The following MIER1 variants were observed in gnomAD, a reference collection of about 807,000 sequenced individuals.
The protein encoded by MIER1 is mesoderm induction early response protein 1.
A neutral mutation model predicts 75.7 loss-of-function variants in MIER1; 40 were observed. The ratio of observed to expected loss-of-function variants is 0.53; its 90% CI spans 0.41 to 0.69. The LOEUF is 0.69. Ranked by LOEUF, MIER1 falls within the 30% of genes least tolerant of loss-of-function variation. The pLI is 0.00. For synonymous variants in MIER1, 213 were observed against 223.4 expected (o/e 0.95, Z 0.42); for missense variants, 574 against 680.2 (o/e 0.84, Z 1.74).
At chr1:66,931,704 T>C (rs1412321796) in intron 2 of MIER1, among the ~76,000 whole-genome samples, 1 of 152,210 alleles carries the variant, frequency 6.6e-6, no homozygotes, top group East Asian at 1.9e-4. Flanking sequence ...CGTAGTACTT[T>C]CTGTTTCCCC....
chr1:66,957,103 A>C (rs1349298982), intron 4 of MIER1, among the ~76,000 whole-genome samples: 1 of 152,076 alleles, frequency 6.6e-6, no homozygotes, highest in East Asian at 1.9e-4. Context: ...GGTGTGCATG[A>C]GTGTATAATA....
At chr1:66,964,061 C>A (rs1033077904) in intron 8 of MIER1, among the ~76,000 whole-genome samples, 1 of 150,820 alleles carries the variant, frequency 6.6e-6, no homozygotes, top group African/African-American at 2.4e-5. Flanking sequence ...CAATAACATA[C>A]AATACTTGAA....
At chr1:66,926,762 G>A (rs546737104) in intron 2 of MIER1, among the ~76,000 whole-genome samples, 1 of 152,192 alleles carries the variant, frequency 6.6e-6, no homozygotes, top group South Asian at 2.1e-4. Flanking sequence ...ACTCATGGAC[G>A]CTGAAAATTG....
chr1:66,947,057 A>G, intron 4 of MIER1: 1 of 949,846 alleles, frequency 1.1e-6, no homozygotes, highest in Non-Finnish European at 1.3e-6. Context: ...CAGTTGCATC[A>G]GAATCAACCC....
Position 66,986,235 on chromosome 1 carries a change from T to G in MIER1, c.*1335T>G, listed in dbSNP as rs368617882. On this transcript the variant is annotated 3_prime_UTR_variant, in exon 14 of 14. Transcript: ENST00000401041. Reference sequence around the variant, plus strand: ...TGAAAATAAGATACACAATAATCATTGCTCTGTGTGATTACAGATAGGATT... The same window carrying G: ...TGAAAATAAGATACACAATAATCATGGCTCTGTGTGATTACAGATAGGATT... The G allele has an allele frequency of 3.0e-6, 4 of 1,322,664 alleles. No individual in the cohort carries two copies. 81.9% of individuals were successfully genotyped at this position (1,322,664 alleles called of 1,614,324 possible). A position where few individuals can be genotyped will look rare whatever the true frequency, so the allele number is the denominator to read the frequency against.
In MIER1 at chr1:66,986,441, A is replaced by G. The variant is rs1019273133; in HGVS notation, c.*1541A>G. 20 of 1,612,548 alleles carry G rather than the reference A, an allele frequency of 1.2e-5. No individual in the cohort carries two copies. The highest frequency in any genetic ancestry group is 2.7e-5 in the African/African-American group (2 of 74,468). Reference sequence around the variant, plus strand: ...GCTTCTTCCAGTTCATTTTTCAGCCATCAGTTCAAGAGCCAATGCCTTTTT... The same window carrying G: ...GCTTCTTCCAGTTCATTTTTCAGCCGTCAGTTCAAGAGCCAATGCCTTTTT... On this transcript the variant is annotated 3_prime_UTR_variant, in exon 14 of 14. Transcript: ENST00000401041.
At chr1:66,934,405 CTTTTTTTT>C (rs34839262) in intron 2 of MIER1, among the ~76,000 whole-genome samples, 1 of 135,516 alleles carries the variant, frequency 7.4e-6, no homozygotes, top group Non-Finnish European at 1.6e-5. Context: ...TTCTTTCTTT[CTTTTTTTT>C]TTTTTTTTGA....
intron 13 of MIER1, among the ~76,000 whole-genome samples, chr1:66,982,315 C>T (rs1350786766): frequency 2.6e-5 from 4 of 150,978 alleles, no homozygotes; most frequent in African/African-American, 9.9e-5. Context: ...AACAAGTGCA[C>T]TGTTTTGAAT....
intron 13 of MIER1, among the ~76,000 whole-genome samples, chr1:66,983,446 A>T (rs1469624455): frequency 6.6e-6 from 1 of 152,018 alleles, no homozygotes; most frequent in East Asian, 1.9e-4. Context: ...AAGCAATTAA[A>T]TTGTAATTAT....
chr1:66,955,198 C>T (rs909145358), intron 4 of MIER1, among the ~76,000 whole-genome samples: 3 of 152,036 alleles, frequency 2.0e-5, no homozygotes, highest in Non-Finnish European at 4.4e-5. Flanking sequence ...ATATGTCATA[C>T]GATAAGCTTT....
intron 12 of MIER1, among the ~76,000 whole-genome samples, chr1:66,980,091 T>C (rs544139632): frequency 6.6e-5 from 10 of 152,318 alleles, no homozygotes; most frequent in African/African-American, 2.4e-4. Flanking sequence ...TTCCTTCATA[T>C]TATCCATTCC....
At position 66,943,848 on chromosome 1, in the gene MIER1, A is replaced by G. The variant is rs1349366126; in HGVS notation, c.194-2302A>G. On this transcript the variant is annotated intron_variant, in intron 3 of 13. Coordinates refer to ENST00000401041, the MANE Select transcript of MIER1 (RefSeq NM_001077700.3). The stretch of plus-strand genomic sequence containing the variant: ...TAAGTATTCTTTGAGGCAGTATACT[A>G]AAATAATTTACAGGAGGCTTGGAGT... 3.3e-5 allele frequency among the ~76,000 whole-genome samples: 5 copies of G among 152,368 alleles called. No individual in the cohort carries two copies. The South Asian group carries it at 8.3e-4, about 25-fold the overall frequency.
chr1:66,952,825 T>A (rs1280933823), intron 4 of MIER1, among the ~76,000 whole-genome samples: 1 of 152,238 alleles, frequency 6.6e-6, no homozygotes, highest in East Asian at 1.9e-4. Flanking sequence ...TTGTATTTTT[T>A]ACATGGACGG....
intron 8 of MIER1, among the ~76,000 whole-genome samples, chr1:66,967,176 T>G (rs1242062219): frequency 6.6e-6 from 1 of 152,192 alleles, no homozygotes; most frequent in Non-Finnish European, 1.5e-5. Flanking sequence ...CTATTTTGGT[T>G]TTTGTGTGTG....
intron 7 of MIER1, among the ~76,000 whole-genome samples, chr1:66,960,632 A>G (rs1661070649): frequency 6.6e-6 from 1 of 152,172 alleles, no homozygotes; most frequent in Non-Finnish European, 1.5e-5. Context: ...TGGGCAACAT[A>G]GTGAGACCCC....
intron 4 of MIER1, among the ~76,000 whole-genome samples, chr1:66,951,850 C>T (rs1481245943): frequency 1.3e-5 from 2 of 152,074 alleles, no homozygotes; most frequent in African/African-American, 4.8e-5. Context: ...TATACTTAAC[C>T]TGACGTTAGA....
chr1:66,981,864 A>G lies in MIER1; in HGVS notation c.1315A>G (p.Ser439Gly). ...PSPPPTASNS[S>G]NSQSEKEDGT... ...CCCTCCCCCAACTGCATCAAACAGT[A>G]GTAACAGCCAGTCTGAGAAAGAAGA... is the stretch of plus-strand genomic sequence containing the variant. The change falls in exon 13 of 14, where the codon AGT (serine) becomes GGT (glycine). Residue 439 changes from serine to glycine, a missense_variant. Physicochemically the swap from Ser to Gly is moderately conservative, Grantham distance 56 (BLOSUM62 0). Coordinates refer to ENST00000401041, the MANE Select transcript of MIER1 (RefSeq NM_001077700.3). The G allele has an allele frequency of 6.2e-7, 1 of 1,614,078 alleles. No individual in the cohort carries two copies. Among genetic ancestry groups the G allele is most frequent in the Non-Finnish European group, 8.5e-7 (1 of 1,179,912 alleles).
intron 8 of MIER1, among the ~76,000 whole-genome samples, chr1:66,963,903 G>A (rs531196980): frequency 6.6e-6 from 1 of 151,770 alleles, no homozygotes; most frequent in East Asian, 1.9e-4. Context: ...GCAAGACTCC[G>A]TCTGAGGAAA....
At chr1:66,938,423 T>G (rs555326734) in intron 2 of MIER1, among the ~76,000 whole-genome samples, 2 of 152,288 alleles carry the variant, frequency 1.3e-5, no homozygotes, top group Non-Finnish European at 2.9e-5. Context: ...TAGATGAAGA[T>G]GATCATTAAC....
Sources: allele counts gnomAD v4.1 joint callset (sites outside exome capture counted in the v4.1 genomes callset), GRCh38; gene constraint gnomAD v4.1.1; transcripts MANE v1.5; gene names NCBI Gene and HGNC (gene_info 2026-07-23, HGNC 2026-07-21).